TOP2B: variants seen among roughly 807,000 people sequenced by gnomAD.
TOP2B encodes DNA topoisomerase II beta, also known as DNA topoisomerase 2-beta.
A neutral mutation model predicts 193.5 loss-of-function variants in TOP2B; 51 were observed. That is an observed-to-expected ratio of 0.26 (90% confidence interval 0.21 to 0.33). The LOEUF is 0.33. TOP2B is among the 10% of genes least tolerant of loss of function. TOP2B has a pLI of 1.00. For synonymous variants in TOP2B, 634 were observed against 635.7 expected (o/e 1.00, Z 0.04); for missense variants, 1,378 against 1,909.3 (o/e 0.72, Z 5.19).
At chr3:25,617,844 T>A (rs1454264382) in intron 25 of TOP2B, among the ~76,000 whole-genome samples, 1 of 152,230 alleles carries the variant, frequency 6.6e-6, no homozygotes, top group East Asian at 1.9e-4. Context: ...TTTTGTGATC[T>A]GCAATGGGCA....
At chr3:25,646,925 A>G (rs567391472) in intron 1 of TOP2B, among the ~76,000 whole-genome samples, 2 of 152,158 alleles carry the variant, frequency 1.3e-5, no homozygotes, top group Non-Finnish European at 2.9e-5. Context: ...TTTCAAAATA[A>G]AAGTATTAAA....
Position 25,664,453 on chromosome 3 carries a change from G to A in TOP2B, c.-156C>T. On this transcript the variant is annotated 5_prime_UTR_variant, in exon 1 of 36. The change creates a new upstream start codon in the 5' untranslated region. Transcript: ENST00000264331. ...CCCATCGCGAAGATCCGGAGCGGAC[G>A]TCCAGCCGAGCCCGCTGAGGAGGCC... is the stretch of plus-strand genomic sequence containing the variant. 1 of 1,241,744 alleles carries A rather than the reference G, an allele frequency of 8.1e-7. No individual in the cohort carries two copies. 76.9% of individuals were successfully genotyped at this position (1,241,744 alleles called of 1,614,324 possible).
rs1023791529 is a variant in TOP2B at position 25,609,600 on chromosome 3, C to T, written c.3899G>A (p.Gly1300Asp). ...CTTCTTCTCCCTCTTAGGTTTGGGA[C>T]CTTTATTTATAGGAACTGATGGAGT... ...ALTPSVPINK[G>D]PKPKREKKEP... is the part of the protein sequence containing the mutation. The change falls in exon 29 of 36, where the codon GGT becomes GAT. Residue 1300 changes from glycine to aspartate, a missense_variant. Physicochemically the swap from Gly to Asp is moderately conservative, Grantham distance 94. This residue lies in a region of TOP2B where 556 missense variants were observed against 584.2 expected (regional missense o/e 0.95). Transcript: ENST00000264331. The T allele has an allele frequency of 5.6e-6, 9 of 1,602,714 alleles. No individual in the cohort carries two copies. Among genetic ancestry groups the T allele is most frequent in the East Asian group, 2.2e-5 (1 of 44,706 alleles).
At chr3:25,658,900 T>C (rs1703828046) in intron 1 of TOP2B, among the ~76,000 whole-genome samples, 1 of 152,162 alleles carries the variant, frequency 6.6e-6, no homozygotes, top group Non-Finnish European at 1.5e-5. Context: ...ATATAGCAAT[T>C]TGGCAGAAGC....
rs1210919248 is a variant in TOP2B, at chr3:25,637,311, A to G, written c.543T>C (p.Gly181=). Residue 181 remains glycine, a splice_region_variant and synonymous_variant, in exon 6 of 36, where the codon GGT becomes GGC. Coordinates refer to ENST00000264331, the MANE Select transcript of TOP2B (RefSeq NM_001330700.2). ...GTTTTGCACCATAACCATTACGACC[A>G]CCTGTAAGAAAAATTAAATGTAAAA... ...NYDDDEKKVT[G]GRNGYGAKLC... 4.5e-6 allele frequency: 7 copies of G among 1,543,948 alleles called. No homozygotes were observed. The highest frequency in any genetic ancestry group is 6.1e-6 in the Non-Finnish European group (7 of 1,142,712).
At chr3:25,626,519 G>T in intron 18 of TOP2B, 41 bp downstream of exon 18, 1 of 1,133,552 alleles carries the variant, frequency 8.8e-7, no homozygotes, top group Non-Finnish European at 1.2e-6. Context: ...TTAAACTATA[G>T]TAAATAACAT....
rs1426301001 is a variant in TOP2B at position 25,626,647 on chromosome 3, G to C, written c.2137C>G (p.His713Asp). The change falls in exon 18 of 36, where the codon CAT becomes GAT. Residue 713 changes from histidine (H) to aspartate (D), a missense_variant. Around this residue, in one of 9 missense-constraint regions of TOP2B, gnomAD observed 379 missense variants for 615.1 expected, o/e 0.62. Coordinates refer to ENST00000264331, the MANE Select transcript of TOP2B (RefSeq NM_001330700.2). Reference protein sequence around the residue: ...EQFLYGTATKHLTYNDFINKE... With the variant: ...EQFLYGTATKDLTYNDFINKE... ...TTGATGAAATCATTATAAGTCAAAT[G>C]CTTTGTTGCAGTACCATATAAAAAT... 1 of 1,537,328 alleles carries C rather than the reference G, an allele frequency of 6.5e-7. No individual in the cohort carries two copies. The highest frequency in any genetic ancestry group is 1.3e-5 in the South Asian group (1 of 79,646).
chr3:25,661,447 A>G (rs577503756), intron 1 of TOP2B, among the ~76,000 whole-genome samples: 4 of 152,356 alleles, frequency 2.6e-5, no homozygotes, highest in African/African-American at 9.6e-5. Context: ...ATTAAGTCAT[A>G]TAACTGTATT....
chr3:25,632,367 A>G (rs781520181), intron 10 of TOP2B, 79 bp downstream of exon 10: 22 of 1,256,012 alleles, frequency 1.8e-5, no homozygotes, highest in Non-Finnish European at 2.4e-5. Flanking sequence ...AAAGAAACTA[A>G]TCACAAATAA....
intron 4 of TOP2B, among the ~76,000 whole-genome samples, chr3:25,638,693 TTCA>T (rs1363983031): frequency 2.0e-5 from 3 of 152,072 alleles, no homozygotes; most frequent in Non-Finnish European, 1.5e-5. Context: ...GTTAATTATC[TTCA>T]TCACAATTTC....
chr3:25,623,499 A>G lies in TOP2B; in HGVS notation c.2727+16T>C, dbSNP rs1702716569. 1 of 1,599,474 alleles carries G rather than the reference A, an allele frequency of 6.3e-7. No homozygotes were observed. The highest frequency in any genetic ancestry group is 8.6e-7 in the Non-Finnish European group (1 of 1,168,034). On this transcript the variant is annotated intron_variant, in intron 21 of 35. Transcript: ENST00000264331. ...ATTATCATTTGTTAAATAAATAATA[A>G]GTTCCAAATAATTACCATGGGATGA...
In TOP2B at chr3:25,664,900, G is replaced by T; in HGVS notation, c.-603C>A. The T allele has an allele frequency of 1.0e-6, 1 of 988,708 alleles. No homozygotes were observed. The highest frequency in any genetic ancestry group is 1.2e-6 in the Non-Finnish European group (1 of 831,036). The allele number at this position is 988,708 out of a possible 1,614,324, so 61.2% of individuals were successfully genotyped here. On this transcript the variant is annotated 5_prime_UTR_variant, in exon 1 of 36. Transcript: ENST00000264331. ...CCTCCCTCTTGTCCGGCATAACACC[G>T]CACACACACATTTGCACACCGGGGA...
At chr3:25,631,888 T>C (rs1702969726) in intron 10 of TOP2B, among the ~76,000 whole-genome samples, 1 of 152,026 alleles carries the variant, frequency 6.6e-6, no homozygotes, top group African/African-American at 2.4e-5. Flanking sequence ...ACATTAGTTC[T>C]AGGGCAGTTA....
At chr3:25,645,247 A>C (rs772589051) in intron 2 of TOP2B, 53 bp downstream of exon 2, 71 of 1,406,824 alleles carry the variant, frequency 5.0e-5, no homozygotes, top group Non-Finnish European at 6.6e-5. Context: ...ACATATTAAA[A>C]AGTAAATATA....
At chr3:25,604,718 ATCTC>A in intron 33 of TOP2B, 38 bp downstream of exon 33, 3 of 1,393,712 alleles carry the variant, frequency 2.2e-6, no homozygotes, top group Non-Finnish European at 3.0e-6. Flanking sequence ...TACATTAACT[ATCTC>A]TATCCAATGC....
chr3:25,645,458 G>A lies in TOP2B; in HGVS notation c.82C>T (p.Gln28Ter), dbSNP rs770563756. Residue 28 changes from glutamine (Q) to a stop codon, truncating the protein, a stop_gained, in exon 2 of 36, where the codon CAG becomes TAG. Coordinates refer to ENST00000264331, the MANE Select transcript of TOP2B (RefSeq NM_001330700.2). LOFTEE classifies it high-confidence loss of function. ...GALTWVTLFD[Q>*]NNAAKKEESE... is the part of the protein sequence containing the mutation. ...TCTTCTTTTTTTGCAGCATTGTTCT[G>A]ATCAAAAAGAGTCTAAAATTAACCA... is the stretch of plus-strand genomic sequence containing the variant. 3.1e-6 allele frequency: 5 copies of A among 1,601,914 alleles called. No individual in the cohort carries two copies. In the East Asian group the frequency reaches 6.7e-5, roughly 22 times the overall value.
rs1559494154 is a variant in TOP2B at position 25,612,666 on chromosome 3, G to C, written c.3635C>G (p.Ser1212Cys). Reference sequence around the variant, plus strand: ...AACTTTACCTTTAATTGCTTTTCCAGACATTCCAGCCAGAACATCTTCTCG... The same window carrying C: ...AACTTTACCTTTAATTGCTTTTCCACACATTCCAGCCAGAACATCTTCTCG... ...QEREDVLAGM[S>C]GKAIKGKVGK... is the part of the protein sequence containing the mutation. Residue 1212 changes from serine (S) to cysteine (C), a missense_variant, in exon 28 of 36, where the codon TCT becomes TGT. Physicochemically the swap from Ser to Cys is moderately radical, Grantham distance 112 (BLOSUM62 -1). This residue lies in a region of TOP2B where 556 missense variants were observed against 584.2 expected (regional missense o/e 0.95). Transcript: ENST00000264331. The C allele has an allele frequency of 1.2e-6, 2 of 1,613,528 alleles. No homozygotes were observed. Among genetic ancestry groups the C allele is most frequent in the Admixed American group, 1.7e-5 (1 of 60,018 alleles).
Position 25,628,843 on chromosome 3 carries a change from A to C in TOP2B, c.1906+4T>G. On this transcript the variant is annotated splice_donor_region_variant and intron_variant, in intron 15 of 35. Coordinates refer to ENST00000264331, the MANE Select transcript of TOP2B (RefSeq NM_001330700.2). ...TTAAAATCTAAGTATTTTAAAATAC[A>C]AACCTTTATAGTACTTTATTTTCCA... is the stretch of plus-strand genomic sequence containing the variant. 6.8e-7 allele frequency: 1 copy of C among 1,478,252 alleles called. No individual in the cohort carries two copies. The highest frequency in any genetic ancestry group is 9.2e-7 in the Non-Finnish European group (1 of 1,092,884). The allele number at this position is 1,478,252 out of a possible 1,614,324, so 91.6% of individuals were successfully genotyped here. A position where few individuals can be genotyped will look rare whatever the true frequency, so the allele number is the denominator to read the frequency against.
intron 4 of TOP2B, among the ~76,000 whole-genome samples, chr3:25,638,759 T>C (rs1422368495): frequency 6.6e-6 from 1 of 152,048 alleles, no homozygotes; most frequent in Non-Finnish European, 1.5e-5. Flanking sequence ...TCCATATGAG[T>C]ATGAAATTGG....
Sources: allele counts gnomAD v4.1 joint callset (sites outside exome capture counted in the v4.1 genomes callset), GRCh38; gene constraint gnomAD v4.1.1; regional missense constraint gnomAD v4.1.1; transcripts MANE v1.5; gene names NCBI Gene and HGNC (gene_info 2026-07-23, HGNC 2026-07-21).